BORCS8: variants seen among roughly 807,000 people sequenced by gnomAD.
BORCS8 encodes BLOC-1-related complex subunit 8.
A neutral mutation model predicts 18.7 loss-of-function variants in BORCS8; 13 were observed. The observed-to-expected ratio is 0.70, with a 90% confidence interval of 0.45 to 1.11. The LOEUF is 1.11. Ranked by LOEUF, BORCS8 falls within the 50% of genes least tolerant of loss-of-function variation. BORCS8 has a pLI of 0.00. For missense variants in BORCS8, 165 were observed against 165.7 expected (o/e 1.00, Z 0.02); for synonymous variants, 68 against 64.8 (o/e 1.05, Z -0.24).
Position 19,177,696 on chromosome 19 carries a change from G to GAAAAGAAA in BORCS8, c.*43-237_*43-236insTTTCTTTT, listed in dbSNP as rs1555777431. 3.0e-3 allele frequency: 223 copies of GAAAAGAAA among 74,800 alleles called. 4 individuals carry two copies. Among genetic ancestry groups the GAAAAGAAA allele is most frequent in the African/African-American group, 4.3e-3 (84 of 19,662 alleles). 4.6% of individuals were successfully genotyped at this position (74,800 alleles called of 1,614,324 possible). ...AGGAAGGAAGGAAGGAAGGAAGGAAGAGAAAAGAAAAGAAAAGAAAAGAAA... is the reference window on the plus strand; with the variant it reads ...AGGAAGGAAGGAAGGAAGGAAGGAAGAAAAGAAAAGAAAAGAAAAGAAAAGAAAAGAAA... On this transcript the variant is annotated intron_variant, in intron 5 of 5. Transcript: ENST00000462790.
In BORCS8 at chr19:19,177,092, T is replaced by C. The variant is rs1050544; in HGVS notation, c.*411A>G. The C allele has an allele frequency of 0.56, 85,681 of 151,804 alleles. 24,399 individuals are homozygous for C. Among genetic ancestry groups the C allele is most frequent in the East Asian group, 0.73 (3,748 of 5,138 alleles). The allele number at this position is 151,804 out of a possible 1,614,324, so 9.4% of individuals were successfully genotyped here. On this transcript the variant is annotated 3_prime_UTR_variant, in exon 6 of 6. Coordinates refer to ENST00000462790, the MANE Select transcript of BORCS8 (RefSeq NM_001145784.2). ...CTCCTGGTAGAACTCCCAGGAAAGG[T>C]CGCTCATTGGGTCACGTGTCCATCT... is the stretch of plus-strand genomic sequence containing the variant.
rs916601091 is a variant in BORCS8 at position 19,180,758 on chromosome 19, C to T, written c.330G>A (p.Pro110=). 2.7e-5 allele frequency: 42 copies of T among 1,547,492 alleles called. No individual in the cohort carries two copies. Among genetic ancestry groups the T allele is most frequent in the Middle Eastern group, 1.7e-4 (1 of 5,780 alleles). ...HMNASAQGHS[P]EEPPPPSSA The stretch of plus-strand genomic sequence containing the variant: ...CTGAGGAGGGCGGGGGTGGTTCCTC[C>T]GGGCTGCAACAAAACATGTGCAGCA... Residue 110 remains proline (P), a synonymous_variant, in exon 5 of 6, where the codon CCG becomes CCA. Coordinates refer to ENST00000462790, the MANE Select transcript of BORCS8 (RefSeq NM_001145784.2).
chr19:19,185,320 AACCGGAATAAGGCTTGGGAATACAGTC>A (rs1271971004), intron 3 of BORCS8, among the ~76,000 whole-genome samples: 1 of 152,240 alleles, frequency 6.6e-6, no homozygotes, highest in African/African-American at 2.4e-5. Context: ...AACCCGAGGC[AACCGGAATAAGGCTTGGGAATACAGTC>A]ACGAGGAATG....
chr19:19,186,130 G>A, intron 2 of BORCS8, 32 bp from the exon 3 acceptor site: 2 of 1,549,696 alleles, frequency 1.3e-6, no homozygotes, highest in Non-Finnish European at 1.7e-6. Context: ...TTTGGCAAGG[G>A]AGGCCACCCC....
chr19:19,187,893 G>A (rs1312334230), intron 1 of BORCS8, among the ~76,000 whole-genome samples: 1 of 151,754 alleles, frequency 6.6e-6, no homozygotes, highest in African/African-American at 2.4e-5. Flanking sequence ...CCAGGCTGGA[G>A]TGCAGTGGTG....
At chr19:19,178,523 G>C (rs1257537411) in intron 5 of BORCS8, 1 of 152,514 alleles carries the variant, frequency 6.6e-6, no homozygotes, top group African/African-American at 2.4e-5. Flanking sequence ...TGAGCTGGCT[G>C]CCTTACCTCT....
chr19:19,183,580 TTTTC>T (rs924826369), intron 3 of BORCS8, among the ~76,000 whole-genome samples: 9 of 151,044 alleles, frequency 6.0e-5, no homozygotes, highest in Non-Finnish European at 1.2e-4. Flanking sequence ...TGAATATTTT[TTTTC>T]TTTCTTTTTT....
At position 19,192,104 on chromosome 19, in the gene BORCS8, T is replaced by TC. The variant is rs1430143775; in HGVS notation, c.13dup (p.Glu5GlyfsTer15). The stretch of plus-strand genomic sequence containing the variant: ...ACCTTTCTTCCCCTTGAGCTGCATC[T>TC]CCGGCTCCTCCATAGCGACCGCGGC... On this transcript the variant is annotated frameshift_variant, in exon 1 of 6. Coordinates refer to ENST00000462790, the MANE Select transcript of BORCS8 (RefSeq NM_001145784.2). LOFTEE classifies it high-confidence loss of function. 6.4e-7 allele frequency: 1 copy of TC among 1,551,410 alleles called. No individual in the cohort carries two copies.
At position 19,182,814 on chromosome 19, in the gene BORCS8, A is replaced by G; in HGVS notation, c.216-131T>C. 2 of 1,208,798 alleles carry G rather than the reference A, an allele frequency of 1.7e-6. No individual in the cohort carries two copies. The highest frequency in any genetic ancestry group is 1.1e-6 in the Non-Finnish European group (1 of 893,626). 74.9% of individuals were successfully genotyped at this position (1,208,798 alleles called of 1,614,324 possible). On this transcript the variant is annotated intron_variant, in intron 3 of 5. Coordinates refer to ENST00000462790, the MANE Select transcript of BORCS8 (RefSeq NM_001145784.2). The surrounding 1 kb of genome is among the most constrained non-coding windows in gnomAD (Gnocchi z 4.1). The stretch of plus-strand genomic sequence containing the variant: ...TCTGCGGGCTTCCCGAAGGACTCAC[A>G]GTGGGCTTACATTTTAGATTTCCCT...
chr19:19,180,506 A>T (rs1263533592), intron 5 of BORCS8, 180 bp downstream of exon 5: 5 of 617,522 alleles, frequency 8.1e-6, no homozygotes, highest in Non-Finnish European at 1.2e-5. Flanking sequence ...GTCCCTGAGC[A>T]GCAGGGTGGA....
rs2060490855 is a variant in BORCS8, at chr19:19,192,064, C to T, written c.37+17G>A. On this transcript the variant is annotated intron_variant, in intron 1 of 5. Transcript: ENST00000462790. The stretch of plus-strand genomic sequence containing the variant: ...AAGTTACCGGCCCCCTCTGTCCCGC[C>T]CGCAGGCCCGCACCACCTTTCTTCC... The T allele has an allele frequency of 5.2e-6, 8 of 1,551,520 alleles. No homozygotes were observed. The highest frequency in any genetic ancestry group is 7.0e-6 in the Non-Finnish European group (8 of 1,146,886).
intron 1 of BORCS8, among the ~76,000 whole-genome samples, chr19:19,191,509 A>G (rs1226033100): frequency 6.7e-6 from 1 of 148,220 alleles, no homozygotes; most frequent in Non-Finnish European, 1.5e-5. Context: ...AAAAAAAAAA[A>G]GGAAACAAGA....
intron 1 of BORCS8, 135 bp downstream of exon 1, chr19:19,191,946 T>C (rs1388215212): frequency 3.8e-6 from 4 of 1,064,074 alleles, no homozygotes; most frequent in Non-Finnish European, 5.5e-6. Context: ...GTTTCAAAAC[T>C]AGTCAGCGGC....
At chr19:19,186,412 C>T (rs530251013) in intron 2 of BORCS8, among the ~76,000 whole-genome samples, 1 of 152,314 alleles carries the variant, frequency 6.6e-6, no homozygotes, top group South Asian at 2.1e-4. Context: ...CAAATCTCAC[C>T]TTGAATTGTA....
intron 5 of BORCS8, chr19:19,177,684 GGAAGGAAGGAAGAGAAA>G (rs2060306987): frequency 1.3e-4 from 6 of 47,636 alleles, no homozygotes; most frequent in East Asian, 7.9e-4. Context: ...AAGGAAGGAA[GGAAGGAAGGAAGAGAAA>G]AGAAAAGAAA....
intron 3 of BORCS8, among the ~76,000 whole-genome samples, chr19:19,185,177 C>T (rs1329685208): frequency 6.6e-6 from 1 of 152,248 alleles, no homozygotes; most frequent in Non-Finnish European, 1.5e-5. Context: ...CCTTCGCCCA[C>T]ACAACCAAAC....
rs1187117467 is a variant in BORCS8 at position 19,186,941 on chromosome 19, C to G, written c.102G>C (p.Arg34=). ...GGGAGCGACGCACATGCTCCTGCAG[C>G]CGGTACAGGGCCACGGATGGCTCGT... is the stretch of plus-strand genomic sequence containing the variant. ...LANEPSVALY[R]LQEHVRRSLP... is the part of the protein sequence containing the mutation. Residue 34 remains arginine, a synonymous_variant, in exon 2 of 6, where the codon CGG becomes CGC. Coordinates refer to ENST00000462790, the MANE Select transcript of BORCS8 (RefSeq NM_001145784.2). 19 of 1,551,152 alleles carry G rather than the reference C, an allele frequency of 1.2e-5. No homozygotes were observed.
At chr19:19,191,352 TGTG>T (rs1193591162) in intron 1 of BORCS8, among the ~76,000 whole-genome samples, 4 of 151,152 alleles carry the variant, frequency 2.6e-5, no homozygotes, top group Admixed American at 2.6e-4. Flanking sequence ...ATTAGCCTGA[TGTG>T]GTGGTGTGCA....
chr19:19,183,995 G>A (rs2060379294), intron 3 of BORCS8, among the ~76,000 whole-genome samples: 1 of 150,656 alleles, frequency 6.6e-6, no homozygotes, highest in South Asian at 2.1e-4. Context: ...CGATTCTCCT[G>A]CCTCCGCCTC....
Sources: allele counts gnomAD v4.1 joint callset (sites outside exome capture counted in the v4.1 genomes callset), GRCh38; gene constraint gnomAD v4.1.1; non-coding constraint Gnocchi (gnomAD v3.1); transcripts MANE v1.5; gene names NCBI Gene and HGNC (gene_info 2026-07-23, HGNC 2026-07-21).